The following PHF3 variants were observed in gnomAD, a reference collection of about 807,000 sequenced individuals.
The protein encoded by PHF3 is PHD finger protein 3.
PHF3 carries 41 observed loss-of-function variants against 178.4 expected under a neutral mutation model. The observed-to-expected ratio is 0.23, with a 90% CI of 0.18 to 0.30. PHF3 has a LOEUF of 0.30. Among genes scored for constraint, PHF3 ranks in the 10% least tolerant of loss-of-function variants. The pLI, the probability that PHF3 is intolerant of heterozygous loss-of-function variation, is 1.00. For synonymous variants in PHF3, 842 were observed against 800.5 expected (o/e 1.05, Z -0.88); for missense variants, 2,346 against 2,398.1 (o/e 0.98, Z 0.45).
rs772780424 is a variant in PHF3, at chr6:63,719,434, A to T, written c.*5726A>T. ...TTTTTTTCTCCAGATGACCTATTCT[A>T]CCTGTTAGTTCACCAAGTCAGTCAT... On this transcript the variant is annotated 3_prime_UTR_variant, in exon 16 of 16. Coordinates refer to ENST00000262043, the MANE Select transcript of PHF3 (RefSeq NM_001370348.2). Among the ~76,000 whole-genome samples, 2 of 152,002 alleles carry T rather than the reference A, an allele frequency of 1.3e-5. No individual in the cohort carries two copies. Among genetic ancestry groups the T allele is most frequent in the African/African-American group, 4.8e-5 (2 of 41,434 alleles).
At chr6:63,703,824 C>A (rs985738558) in intron 11 of PHF3, among the ~76,000 whole-genome samples, 153 bp downstream of exon 11, 2 of 152,120 alleles carry the variant, frequency 1.3e-5, no homozygotes, top group African/African-American at 4.8e-5. Context: ...GACTGGTTTT[C>A]TGGGTTGAGG....
At chr6:63,686,438 T>TAC (rs1766711032) in intron 4 of PHF3, 1 of 152,288 alleles carries the variant, frequency 6.6e-6, no homozygotes. Flanking sequence ...AAACAATTGT[T>TAC]AGATTACCCA....
chr6:63,661,903 G>A (rs1196577322), intron 2 of PHF3, among the ~76,000 whole-genome samples: 1 of 152,156 alleles, frequency 6.6e-6, no homozygotes, highest in African/African-American at 2.4e-5. Flanking sequence ...TAGAGCAGGG[G>A]TCCCCAGACT....
chr6:63,642,885 T>C (rs1764635498), intron 1 of PHF3, among the ~76,000 whole-genome samples: 1 of 152,206 alleles, frequency 6.6e-6, no homozygotes, highest in African/African-American at 2.4e-5. Flanking sequence ...GCCACATTAC[T>C]AGGTATCCCA....
rs752557263 is a variant in PHF3, at chr6:63,721,617, G to T, written c.*7909G>T. On this transcript the variant is annotated 3_prime_UTR_variant, in exon 16 of 16. Coordinates refer to ENST00000262043, the MANE Select transcript of PHF3 (RefSeq NM_001370348.2). ...ACTCATTTTAGTGGAGGCCTTTTCTGTTACATTTATCCCATCTAGATCCAG... is the reference window on the plus strand; with the variant it reads ...ACTCATTTTAGTGGAGGCCTTTTCTTTTACATTTATCCCATCTAGATCCAG... The T allele has an allele frequency of 1.9e-5, 30 of 1,551,076 alleles. No individual in the cohort carries two copies. Among genetic ancestry groups the T allele is most frequent in the Non-Finnish European group, 2.5e-5 (29 of 1,146,510 alleles).
Position 63,684,849 on chromosome 6 carries a change from A to C in PHF3, c.1127A>C (p.Glu376Ala), listed in dbSNP as rs1766607369. ...GATGAAGTGACTGAATGTAATTTGG[A>C]ATTGAAGGATACCATGGGTATTGCT... ...CVDEVTECNL[E>A]LKDTMGIADK... is the part of the protein sequence containing the mutation. Residue 376 changes from glutamate to alanine, a missense_variant, in exon 4 of 16, where the codon GAA (glutamate) becomes GCA (alanine). By Grantham distance (107) the Glu-to-Ala change is moderately radical. This residue lies in a region of PHF3 where 843 missense variants were observed against 795.2 expected (regional missense o/e 1.06). Transcript: ENST00000262043. 1.9e-6 allele frequency: 3 copies of C among 1,613,966 alleles called. No homozygotes were observed. The highest frequency in any genetic ancestry group is 2.5e-6 in the Non-Finnish European group (3 of 1,179,866).
intron 2 of PHF3, among the ~76,000 whole-genome samples, chr6:63,647,786 A>G (rs1764853097): frequency 6.6e-6 from 1 of 152,190 alleles, no homozygotes; most frequent in African/African-American, 2.4e-5. Context: ...GCAATTACTA[A>G]TAGCTATTCT....
chr6:63,700,578 T>C, intron 9 of PHF3, 112 bp downstream of exon 9: 1 of 590,042 alleles, frequency 1.7e-6, no homozygotes, highest in Non-Finnish European at 3.1e-6. Context: ...ACACAGACTT[T>C]CTGTTACATG....
At chr6:63,656,657 C>G (rs1307388927) in intron 2 of PHF3, among the ~76,000 whole-genome samples, 2 of 152,130 alleles carry the variant, frequency 1.3e-5, no homozygotes, top group Non-Finnish European at 2.9e-5. Flanking sequence ...CTTTACTGCT[C>G]TCCTTGATTA....
chr6:63,684,162 C>T lies in PHF3; in HGVS notation c.440C>T (p.Ala147Val). The T allele has an allele frequency of 6.2e-7, 1 of 1,612,222 alleles. No homozygotes were observed. Residue 147 changes from alanine (A) to valine (V), a missense_variant, in exon 4 of 16, where the codon GCC becomes GTC. Transcript: ENST00000262043. Reference protein sequence around the residue: ...QVRSLRQSTIAKRSNAAPLSN... With the variant: ...QVRSLRQSTIVKRSNAAPLSN... ...AGAAGTTTGCGACAGAGCACTATTG[C>T]CAAGCGTTCAAATGCAGCACCATTA...
At chr6:63,665,900 A>G (rs1265256691) in intron 2 of PHF3, among the ~76,000 whole-genome samples, 4 of 152,200 alleles carry the variant, frequency 2.6e-5, no homozygotes. Flanking sequence ...GGCAAACAAA[A>G]GGGTGTCAAC....
rs1561992303 is a variant in PHF3 at position 63,718,848 on chromosome 6, T to C, written c.*5140T>C. 6.6e-6 allele frequency among the ~76,000 whole-genome samples: 1 copy of C among 152,028 alleles called. No homozygotes were observed. The highest frequency in any genetic ancestry group is 1.5e-5 in the Non-Finnish European group (1 of 67,940). ...CATAAAACAGCCTTCTTTTTATACATAAAGTATGTTTTCTGAAAGGTTAGA... is the reference window on the plus strand; with the variant it reads ...CATAAAACAGCCTTCTTTTTATACACAAAGTATGTTTTCTGAAAGGTTAGA... On this transcript the variant is annotated 3_prime_UTR_variant, in exon 16 of 16. Coordinates refer to ENST00000262043, the MANE Select transcript of PHF3 (RefSeq NM_001370348.2).
chr6:63,713,020 G>A lies in PHF3; in HGVS notation c.5432G>A (p.Ser1811Asn). 1 of 1,613,890 alleles carries A rather than the reference G, an allele frequency of 6.2e-7. No individual in the cohort carries two copies. Among genetic ancestry groups the A allele is most frequent in the Non-Finnish European group, 8.5e-7 (1 of 1,179,940 alleles). ...CCCAACCTTCAGCATCTCAAGTCTA[G>A]CCCACCTGGATTTCCATTTCCAGGG... Reference protein sequence around the residue: ...QQPNLQHLKSSPPGFPFPGPP... With the variant: ...QQPNLQHLKSNPPGFPFPGPP... Residue 1811 changes from serine to asparagine, a missense_variant, in exon 16 of 16, where the codon AGC becomes AAC. Transcript: ENST00000262043.
intron 11 of PHF3, 138 bp downstream of exon 11, chr6:63,703,809 C>T (rs1402545453): frequency 6.7e-6 from 5 of 751,376 alleles, no homozygotes; most frequent in South Asian, 3.9e-5. Context: ...TTTAAGCTTT[C>T]GTGTGACTGG....
At chr6:63,680,471 GATTATTCTGATTT>G (rs1766387801) in intron 3 of PHF3, among the ~76,000 whole-genome samples, 1 of 109,772 alleles carries the variant, frequency 9.1e-6, no homozygotes, top group South Asian at 2.8e-4. Context: ...GCTGTTTTTT[GATTATTCTGATTT>G]ATTATTCATC....
rs974117940 is a variant in PHF3, at chr6:63,724,499, G to A, written c.*10791G>A. 2.6e-5 allele frequency among the ~76,000 whole-genome samples: 4 copies of A among 152,082 alleles called. No homozygotes were observed. Among genetic ancestry groups the A allele is most frequent in the African/African-American group, 9.7e-5 (4 of 41,424 alleles). On this transcript the variant is annotated 3_prime_UTR_variant, in exon 16 of 16. Transcript: ENST00000262043. ...GACTAGGCCTTTTTATACACGTTGG[G>A]AGGATTATAACTATATCAGATGAAT...
At chr6:63,694,807 A>G (rs1460797164) in intron 6 of PHF3, 43 bp downstream of exon 6, 3 of 1,084,098 alleles carry the variant, frequency 2.8e-6, no homozygotes, top group Non-Finnish European at 3.6e-6. Context: ...ATATATTTAT[A>G]TCTTATTTAA....
At chr6:63,696,999 T>A (rs1472094338) in intron 6 of PHF3, among the ~76,000 whole-genome samples, 1 of 152,188 alleles carries the variant, frequency 6.6e-6, no homozygotes, top group Non-Finnish European at 1.5e-5. Context: ...TGTGAATTTT[T>A]TTTTTAAAGA....
chr6:63,674,866 C>G (rs1383413368), intron 2 of PHF3, among the ~76,000 whole-genome samples: 1 of 152,152 alleles, frequency 6.6e-6, no homozygotes, highest in Non-Finnish European at 1.5e-5. Context: ...TTAACGCATT[C>G]CAAATGTGAA....
Sources: allele counts gnomAD v4.1 joint callset (sites outside exome capture counted in the v4.1 genomes callset), GRCh38; gene constraint gnomAD v4.1.1; regional missense constraint gnomAD v4.1.1; transcripts MANE v1.5; gene names NCBI Gene and HGNC (gene_info 2026-07-23, HGNC 2026-07-21).